The following CCDC60 variants were observed in gnomAD, a reference collection of about 807,000 sequenced individuals.
The protein encoded by CCDC60 is coiled-coil domain-containing protein 60.
A neutral mutation model predicts 63.5 loss-of-function variants in CCDC60; 54 were observed. That is an observed-to-expected ratio of 0.85 (90% CI 0.68 to 1.07). CCDC60 has a LOEUF of 1.07. CCDC60 is among the 50% of genes least tolerant of loss of function. CCDC60 has a pLI of 0.00. For synonymous variants in CCDC60, 206 were observed against 238.8 expected (o/e 0.86, Z 1.27); for missense variants, 651 against 684.3 (o/e 0.95, Z 0.54).
chr12:119,451,428 T>G (rs1027175587), intron 2 of CCDC60, among the ~76,000 whole-genome samples: 6 of 140,552 alleles, frequency 4.3e-5, no homozygotes, highest in Admixed American at 1.4e-4. Context: ...ATTATTGTCC[T>G]AGGTCTGCCT....
At chr12:119,426,458 C>T (rs751328670) in intron 1 of CCDC60, among the ~76,000 whole-genome samples, 6 of 152,052 alleles carry the variant, frequency 3.9e-5, no homozygotes, top group East Asian at 3.9e-4. Context: ...TGGGCTCAAG[C>T]GATCCTCCTA....
At position 119,531,011 on chromosome 12, in the gene CCDC60, A is replaced by G. The variant is rs752363856; in HGVS notation, c.1499A>G (p.Gln500Arg). The change falls in exon 13 of 14, where the codon CAG (glutamine) becomes CGG (arginine). Residue 500 changes from glutamine to arginine, a missense_variant. Coordinates refer to ENST00000327554, the MANE Select transcript of CCDC60 (RefSeq NM_178499.5). Reference protein sequence around the residue: ...IRPHVLLKVLQDLRIWELCSP... With the variant: ...IRPHVLLKVLRDLRIWELCSP... ...CCCCATGTCCTCCTGAAGGTGCTGC[A>G]GGATCTGAGGATTTGGGAACTGTGC... The G allele has an allele frequency of 6.2e-7, 1 of 1,614,158 alleles. No individual in the cohort carries two copies. Among genetic ancestry groups the G allele is most frequent in the South Asian group, 1.1e-5 (1 of 91,072 alleles).
chr12:119,375,389 C>A (rs1955941092), intron 1 of CCDC60, among the ~76,000 whole-genome samples: 1 of 152,184 alleles, frequency 6.6e-6, no homozygotes, highest in South Asian at 2.1e-4. Context: ...AATTGGGAAG[C>A]AGATGCATAC....
intron 1 of CCDC60, among the ~76,000 whole-genome samples, chr12:119,399,166 T>G (rs1403945366): frequency 2.0e-5 from 3 of 152,200 alleles, no homozygotes; most frequent in Admixed American, 1.3e-4. Flanking sequence ...CAGTTTATCT[T>G]GATCCTAAGG....
At chr12:119,342,425 G>T (rs992199712) in intron 1 of CCDC60, among the ~76,000 whole-genome samples, 1 of 152,210 alleles carries the variant, frequency 6.6e-6, no homozygotes, top group Non-Finnish European at 1.5e-5. Context: ...GGAAGCGATG[G>T]TGATATTGAA....
intron 7 of CCDC60, among the ~76,000 whole-genome samples, chr12:119,514,985 T>C (rs191508959): frequency 1.3e-5 from 2 of 152,384 alleles, no homozygotes; most frequent in Admixed American, 1.3e-4. Context: ...TAACATGCTG[T>C]ACAGGTTTGT....
intron 1 of CCDC60, among the ~76,000 whole-genome samples, chr12:119,417,339 G>A (rs1956719879): frequency 1.3e-5 from 2 of 152,282 alleles, no homozygotes; most frequent in South Asian, 4.2e-4. Flanking sequence ...TCATCCTGAG[G>A]AAGAGAGATC....
intron 1 of CCDC60, among the ~76,000 whole-genome samples, chr12:119,389,245 A>G (rs561476453): frequency 3.4e-4 from 52 of 152,186 alleles, no homozygotes; most frequent in Non-Finnish European, 6.2e-4. Flanking sequence ...CATCTTCTAT[A>G]TCAAGAGTCA....
intron 2 of CCDC60, among the ~76,000 whole-genome samples, chr12:119,451,996 C>T (rs1950642678): frequency 6.6e-6 from 1 of 152,096 alleles, no homozygotes; most frequent in African/African-American, 2.4e-5. Context: ...TCAAAAATAG[C>T]ATTAGGTCCC....
At chr12:119,337,728 G>T (rs756572123) in intron 1 of CCDC60, among the ~76,000 whole-genome samples, 2 of 152,030 alleles carry the variant, frequency 1.3e-5, no homozygotes, top group Admixed American at 1.3e-4. Flanking sequence ...TTATAATGCA[G>T]GTTGATTAAT....
chr12:119,426,638 C>T (rs1466664877), intron 1 of CCDC60, among the ~76,000 whole-genome samples: 1 of 152,188 alleles, frequency 6.6e-6, no homozygotes, highest in Non-Finnish European at 1.5e-5. Flanking sequence ...GGATTACGGA[C>T]ATGAGCCACT....
chr12:119,447,007 G>A (rs1950555599), intron 2 of CCDC60, among the ~76,000 whole-genome samples: 1 of 152,156 alleles, frequency 6.6e-6, no homozygotes, highest in African/African-American at 2.4e-5. Flanking sequence ...AATGTGAGAA[G>A]AAGACGAGAG....
intron 2 of CCDC60, among the ~76,000 whole-genome samples, chr12:119,465,276 T>C (rs1364049426): frequency 2.0e-5 from 3 of 151,952 alleles, no homozygotes; most frequent in Admixed American, 6.5e-5. Context: ...ATCGCACCAC[T>C]GCACTCCAGC....
At chr12:119,490,600 T>A (rs1951561173) in intron 5 of CCDC60, among the ~76,000 whole-genome samples, 1 of 152,132 alleles carries the variant, frequency 6.6e-6, no homozygotes, top group Non-Finnish European at 1.5e-5. Flanking sequence ...GGTCTTGCTC[T>A]GTTGCCCAGG....
intron 1 of CCDC60, among the ~76,000 whole-genome samples, chr12:119,396,338 AG>A (rs1956254249): frequency 6.6e-6 from 1 of 152,186 alleles, no homozygotes; most frequent in Non-Finnish European, 1.5e-5. Flanking sequence ...GTAACATATA[AG>A]GTCCCATTCT....
chr12:119,396,570 A>C (rs1956258900), intron 1 of CCDC60, among the ~76,000 whole-genome samples: 1 of 152,142 alleles, frequency 6.6e-6, no homozygotes. Flanking sequence ...AGTGAGTCCC[A>C]TTGGAAGAGA....
intron 2 of CCDC60, among the ~76,000 whole-genome samples, chr12:119,453,161 C>A (rs1464979488): frequency 6.6e-6 from 1 of 152,056 alleles, no homozygotes; most frequent in African/African-American, 2.4e-5. Context: ...TAATGTATAT[C>A]CCACTTTGGC....
chr12:119,540,893 C>T lies in CCDC60; in HGVS notation c.*178C>T. 1.8e-6 allele frequency: 1 copy of T among 554,990 alleles called. No homozygotes were observed. The highest frequency in any genetic ancestry group is 3.2e-6 in the Non-Finnish European group (1 of 314,504). 34.4% of individuals were successfully genotyped at this position (554,990 alleles called of 1,614,324 possible). A position where few individuals can be genotyped will look rare whatever the true frequency, so the allele number is the denominator to read the frequency against. On this transcript the variant is annotated 3_prime_UTR_variant, in exon 14 of 14. Transcript: ENST00000327554. ...GCAACATTTTTAGAGGGGGATGGCC[C>T]CGGTGGCCCTCCCCTCAATTCCACA...
chr12:119,439,290 CAT>C (rs1468398474), intron 2 of CCDC60, among the ~76,000 whole-genome samples: 1 of 151,702 alleles, frequency 6.6e-6, no homozygotes, highest in Non-Finnish European at 1.5e-5. Context: ...TACACACACA[CAT>C]GTGAGAGACA....
Sources: gnomAD v4.1 joint callset for allele counts (sites outside exome capture counted in the v4.1 genomes callset) on GRCh38, gnomAD v4.1.1 for gene constraint, MANE v1.5 for transcripts, NCBI Gene and HGNC (gene_info 2026-07-23, HGNC 2026-07-21) for gene names.